Variants in DNAH3 observed in about 807,000 individuals in gnomAD.
DNAH3 encodes the protein dynein axonemal heavy chain 3, also known as axonemal beta dynein heavy chain 3.
Under a neutral mutation model 432.5 loss-of-function variants are expected in DNAH3, and 332 were observed. The ratio of observed to expected loss-of-function variants is 0.77; its 90% confidence interval spans 0.70 to 0.84. DNAH3 has a LOEUF of 0.84. Among genes scored for constraint, DNAH3 ranks in the 40% least tolerant of loss-of-function variants. DNAH3 has a pLI of 0.00. For synonymous variants in DNAH3, 1,956 were observed against 1,900.2 expected (o/e 1.03, Z -0.76); for missense variants, 4,861 against 5,114.0 (o/e 0.95, Z 1.51).
chr16:21,001,671 T>A (rs1597108893), intron 42 of DNAH3, among the ~76,000 whole-genome samples: 2 of 152,282 alleles, frequency 1.3e-5, no homozygotes, highest in East Asian at 3.9e-4. Flanking sequence ...CCCTACAGTC[T>A]TCCCAGTAAC....
rs368041578 is a variant in DNAH3, at chr16:21,067,745, G to A, written c.3382-326C>T. ...TTTCTCTGTGTGACGGAGTGATAGA[G>A]AAAGCCAGTCTTGGGGGGGGGGGTG... On this transcript the variant is annotated intron_variant, in intron 23 of 61. Transcript: ENST00000261383. Among the ~76,000 whole-genome samples, 76 of 125,324 alleles carry A rather than the reference G, an allele frequency of 6.1e-4. 2 individuals are homozygous for A. The highest frequency in any genetic ancestry group is 2.1e-3 in the African/African-American group (71 of 33,676). The allele number at this position is 125,324 out of a possible 152,430, so 82.2% of individuals were successfully genotyped here. A position where few individuals can be genotyped will look rare whatever the true frequency, so the allele number is the denominator to read the frequency against.
intron 11 of DNAH3, 120 bp from the exon 12 acceptor site, chr16:21,117,459 T>A: frequency 3.0e-6 from 2 of 675,456 alleles, no homozygotes; most frequent in Non-Finnish European, 5.3e-6. Context: ...TTACTCTATT[T>A]CCTCTTAGAT....
intron 16 of DNAH3, among the ~76,000 whole-genome samples, chr16:21,099,255 T>TGGATGGAC (rs1470303522): frequency 6.6e-6 from 1 of 151,858 alleles, no homozygotes; most frequent in Non-Finnish European, 1.5e-5. Flanking sequence ...GATGGATGGA[T>TGGATGGAC]GGATGGATGG....
intron 41 of DNAH3, among the ~76,000 whole-genome samples, chr16:21,005,998 C>T (rs72780826): frequency 0.27 from 40,502 of 151,928 alleles, 5,907 homozygotes; most frequent in South Asian, 0.44. Flanking sequence ...TTGGTAGAAA[C>T]AACTGTTCAT....
At chr16:20,961,260 C>A (rs565511358) in intron 53 of DNAH3, among the ~76,000 whole-genome samples, 1 of 152,208 alleles carries the variant, frequency 6.6e-6, no homozygotes, top group South Asian at 2.1e-4. Context: ...GAGATAGGGT[C>A]TTTGCGGAGG....
intron 33 of DNAH3, among the ~76,000 whole-genome samples, chr16:21,039,031 T>C (rs1426408943): frequency 6.6e-6 from 1 of 152,192 alleles, no homozygotes; most frequent in African/African-American, 2.4e-5. Flanking sequence ...GGTGCATGTG[T>C]TATATGTATG....
At chr16:21,014,598 T>C (rs932844348) in intron 41 of DNAH3, among the ~76,000 whole-genome samples, 3 of 152,150 alleles carry the variant, frequency 2.0e-5, no homozygotes, top group Non-Finnish European at 4.4e-5. Flanking sequence ...CTGGAAGTCC[T>C]AGCTAATGGA....
chr16:21,097,434 C>T, exon 18 of DNAH3: 1 of 1,613,880 alleles, frequency 6.2e-7, no homozygotes, highest in East Asian at 2.2e-5. Context: ...TGTTCTTCAG[C>T]ATGGCCTGCA....
intron 12 of DNAH3, among the ~76,000 whole-genome samples, chr16:21,114,171 G>A (rs147830738): frequency 2.2e-4 from 34 of 152,158 alleles, no homozygotes; most frequent in African/African-American, 7.0e-4. Context: ...AGTTGACCTC[G>A]GGTAGCTGTA....
intron 9 of DNAH3, among the ~76,000 whole-genome samples, chr16:21,123,379 CT>C (rs2092383430): frequency 6.6e-6 from 1 of 152,198 alleles, no homozygotes; most frequent in African/African-American, 2.4e-5. Flanking sequence ...TGAATACCTA[CT>C]GTATATCAAA....
At chr16:20,953,347 C>T (rs560178963) in intron 55 of DNAH3, among the ~76,000 whole-genome samples, 7 of 151,918 alleles carry the variant, frequency 4.6e-5, no homozygotes, top group South Asian at 2.1e-4. Context: ...TTAGTAGAGA[C>T]GGGGATTCGC....
At chr16:21,039,884 G>A (rs750821825) in exon 33 of DNAH3, 3 of 1,613,772 alleles carry the variant, frequency 1.9e-6, no homozygotes, top group Non-Finnish European at 2.5e-6. Context: ...TGGAGTAGAG[G>A]GAGATTTCTC....
chr16:21,083,187 T>C (rs951614693), intron 19 of DNAH3, among the ~76,000 whole-genome samples: 8 of 152,012 alleles, frequency 5.3e-5, no homozygotes, highest in South Asian at 2.1e-4. Flanking sequence ...GGCTAATTTT[T>C]GTATTTTTAG....
intron 48 of DNAH3, among the ~76,000 whole-genome samples, chr16:20,983,565 A>T (rs1463499905): frequency 6.6e-6 from 1 of 152,102 alleles, no homozygotes; most frequent in East Asian, 1.9e-4. Context: ...TGTTATTTAT[A>T]GAAGTTGCTG....
At chr16:21,154,022 C>T (rs1039466298) in intron 1 of DNAH3, among the ~76,000 whole-genome samples, 12 of 152,148 alleles carry the variant, frequency 7.9e-5, no homozygotes, top group African/African-American at 2.4e-4. Flanking sequence ...CTGGTTTAGA[C>T]GGAAATGGGA....
chr16:20,999,622 A>G (rs2086920722), intron 43 of DNAH3, among the ~76,000 whole-genome samples: 2 of 152,212 alleles, frequency 1.3e-5, no homozygotes, highest in South Asian at 4.1e-4. Context: ...TGTTCTAGAT[A>G]TTTGATCTCA....
intron 14 of DNAH3, among the ~76,000 whole-genome samples, 178 bp from the exon 15 acceptor site, chr16:21,106,852 C>T (rs2091959512): frequency 6.6e-6 from 1 of 151,948 alleles, no homozygotes; most frequent in Admixed American, 6.6e-5. Context: ...TTCACATGCA[C>T]ACTAAACTCC....
At chr16:20,992,179 A>T (rs1335529048) in intron 44 of DNAH3, among the ~76,000 whole-genome samples, 1 of 152,134 alleles carries the variant, frequency 6.6e-6, no homozygotes, top group Non-Finnish European at 1.5e-5. Context: ...ATAAATTTCA[A>T]TCCATTGAAA....
intron 41 of DNAH3, among the ~76,000 whole-genome samples, chr16:21,018,249 A>T (rs2152708214): frequency 6.6e-6 from 1 of 152,284 alleles, no homozygotes; most frequent in South Asian, 2.1e-4. Context: ...ATGGCCCTTG[A>T]TACATGTTTT....
Sources: gnomAD v4.1 joint callset for allele counts (sites outside exome capture counted in the v4.1 genomes callset) on GRCh38, gnomAD v4.1.1 for gene constraint, MANE v1.5 for transcripts, NCBI Gene and HGNC (gene_info 2026-07-23, HGNC 2026-07-21) for gene names.